The following PACS2 variants were observed in gnomAD, a reference collection of about 807,000 sequenced individuals.
The protein encoded by PACS2 is PACS1-like protein.
A neutral mutation model predicts 113.0 loss-of-function variants in PACS2; 36 were observed. That is an observed-to-expected ratio of 0.32 (90% confidence interval 0.24 to 0.42). The LOEUF (loss-of-function observed/expected upper bound fraction) is 0.42, where lower values mean the gene tolerates loss of function less well. Among genes scored for constraint, PACS2 ranks in the 10% least tolerant of loss-of-function variants. The pLI, the probability that PACS2 is intolerant of heterozygous loss-of-function variation, is 1.00. For missense variants in PACS2, 1,015 were observed against 1,239.5 expected, an observed-to-expected ratio of 0.82 and a Z score of 2.72; for synonymous variants, 589 against 536.1, an observed-to-expected ratio of 1.10 and a Z score of -1.36.
chr14:105,374,140 G>A (rs904479138), intron 8 of PACS2, among the ~76,000 whole-genome samples: 3 of 148,964 alleles, frequency 2.0e-5, no homozygotes, highest in African/African-American at 7.5e-5. Flanking sequence ...GGGCGACACA[G>A]CGAGACTCTG....
Position 105,348,392 on chromosome 14 carries a change from C to T in PACS2, c.120-101C>T. The T allele has an allele frequency of 2.1e-5, 18 of 863,758 alleles. No homozygotes were observed. The highest frequency in any genetic ancestry group is 3.1e-5 in the Non-Finnish European group (17 of 542,446). 53.5% of individuals were successfully genotyped at this position (863,758 alleles called of 1,614,324 possible). On this transcript the variant is annotated intron_variant, in intron 1 of 24. Transcript: ENST00000447393. This position sits in a 1 kb window ranked among gnomAD's most constrained non-coding sequence, Gnocchi z 6.4. Reference sequence around the variant, plus strand: ...GGCAGTCACACCCCGCCCTGCACCCCAGGGTGCAGGCTCCCGGGGTGACAC... The same window carrying T: ...GGCAGTCACACCCCGCCCTGCACCCTAGGGTGCAGGCTCCCGGGGTGACAC...
chr14:105,382,365 C>T (rs2081023719), intron 13 of PACS2, 112 bp from the exon 14 acceptor site: 8 of 753,202 alleles, frequency 1.1e-5, no homozygotes, highest in East Asian at 2.4e-5. Context: ...TTCCTGCCAC[C>T]GAGCCTCTGT....
chr14:105,306,886 G>A (rs999806045), intron 1 of PACS2, among the ~76,000 whole-genome samples: 22 of 151,764 alleles, frequency 1.4e-4, no homozygotes, highest in African/African-American at 3.9e-4. Flanking sequence ...GATTACAGGC[G>A]TGAGCCACCG....
chr14:105,395,377 C>G lies in PACS2; in HGVS notation c.*705C>G, dbSNP rs1178315449. ...CCACTCTCAGGCTGTTCTTGAAACACCATGAGGCTTCTGCGTGTAGTCCCT... is the reference window on the plus strand; with the variant it reads ...CCACTCTCAGGCTGTTCTTGAAACAGCATGAGGCTTCTGCGTGTAGTCCCT... On this transcript the variant is annotated 3_prime_UTR_variant, in exon 25 of 25. Coordinates refer to ENST00000447393, the MANE Select transcript of PACS2 (RefSeq NM_001100913.3). 1 of 151,400 alleles carries G rather than the reference C, an allele frequency of 6.6e-6. No homozygotes were observed. The highest frequency in any genetic ancestry group is 2.4e-5 in the African/African-American group (1 of 41,234). 9.4% of individuals were successfully genotyped at this position (151,400 alleles called of 1,614,324 possible). A position where few individuals can be genotyped will look rare whatever the true frequency, so the allele number is the denominator to read the frequency against.
At chr14:105,386,782 A>G (rs1318829184) in intron 19 of PACS2, among the ~76,000 whole-genome samples, 1 of 152,092 alleles carries the variant, frequency 6.6e-6, no homozygotes. Flanking sequence ...CTGGGAAGAC[A>G]CAGGAAGGGG....
At chr14:105,325,342 A>G (rs1224597777) in intron 1 of PACS2, among the ~76,000 whole-genome samples, 1 of 151,980 alleles carries the variant, frequency 6.6e-6, no homozygotes, top group Non-Finnish European at 1.5e-5. Flanking sequence ...GAGCTGGAGC[A>G]GGGGAGGGGA....
Position 105,392,371 on chromosome 14 carries a change from C to T in PACS2, c.2256-248C>T. 7.3e-6 allele frequency: 4 copies of T among 546,438 alleles called. No homozygotes were observed. The South Asian group carries it at 8.7e-5, about 12-fold the overall frequency. 33.8% of individuals were successfully genotyped at this position (546,438 alleles called of 1,614,324 possible). Reference sequence around the variant, plus strand: ...CGACTCCAAGGGGCAGCTTGGAGAGCAGGTGGACAGGCCTCCCAGGCCGAG... The same window carrying T: ...CGACTCCAAGGGGCAGCTTGGAGAGTAGGTGGACAGGCCTCCCAGGCCGAG... On this transcript the variant is annotated intron_variant, in intron 22 of 24. Coordinates refer to ENST00000447393, the MANE Select transcript of PACS2 (RefSeq NM_001100913.3).
In PACS2 at chr14:105,357,274, C is replaced by T. The variant is rs2060490354; in HGVS notation, c.423+2097C>T. 6.6e-6 allele frequency among the ~76,000 whole-genome samples: 1 copy of T among 152,024 alleles called. No homozygotes were observed. The highest frequency in any genetic ancestry group is 2.4e-5 in the African/African-American group (1 of 41,382). On this transcript the variant is annotated intron_variant, in intron 4 of 24. Coordinates refer to ENST00000447393, the MANE Select transcript of PACS2 (RefSeq NM_001100913.3). This position sits in a 1 kb window ranked among gnomAD's most constrained non-coding sequence, Gnocchi z 5.1. ...AGGCTGGAGCAACCTTCCCCCACCCCAGGTCACACCAGCCACATCGTCTGC... is the reference window on the plus strand; with the variant it reads ...AGGCTGGAGCAACCTTCCCCCACCCTAGGTCACACCAGCCACATCGTCTGC...
rs1420308725 is a variant in PACS2 at position 105,314,754 on chromosome 14, C to G, written c.-165C>G. On this transcript the variant is annotated 5_prime_UTR_variant, in exon 1 of 25. Coordinates refer to ENST00000447393, the MANE Select transcript of PACS2 (RefSeq NM_001100913.3). Reference sequence around the variant, plus strand: ...GGGGCGGGGCGGAGCGGCCGCAGCTCGTCGCCGCCCGCGGGCCTGTCCGAC... The same window carrying G: ...GGGGCGGGGCGGAGCGGCCGCAGCTGGTCGCCGCCCGCGGGCCTGTCCGAC... 6.6e-6 allele frequency: 1 copy of G among 152,062 alleles called. No homozygotes were observed. Among genetic ancestry groups the G allele is most frequent in the Non-Finnish European group, 1.4e-5 (1 of 72,156 alleles). 9.4% of individuals were successfully genotyped at this position (152,062 alleles called of 1,614,324 possible).
At chr14:105,311,887 C>T (rs1034049513), upstream of PACS2, among the ~76,000 whole-genome samples, 42 of 152,342 alleles carry the variant, frequency 2.8e-4, 2 homozygotes, top group East Asian at 2.3e-3. Flanking sequence ...GGAGTGGATG[C>T]GGCAGGGCCT....
intron 4 of PACS2, among the ~76,000 whole-genome samples, chr14:105,362,376 C>T (rs1488460707): frequency 3.4e-5 from 5 of 147,818 alleles, no homozygotes; most frequent in African/African-American, 7.6e-5. Flanking sequence ...GAGATCGCGC[C>T]ACTGCACTCC....
chr14:105,387,722 G>T (rs891918323), intron 19 of PACS2, among the ~76,000 whole-genome samples: 1 of 152,212 alleles, frequency 6.6e-6, no homozygotes, highest in Admixed American at 6.5e-5. Flanking sequence ...CATCTGCCAC[G>T]CACTGCCCCA....
rs782289360 is a variant in PACS2, at chr14:105,382,866, G to A, written c.1578G>A (p.Ala526=). Residue 526 remains alanine, a synonymous_variant, in exon 15 of 25, where the codon GCG becomes GCA. Coordinates refer to ENST00000447393, the MANE Select transcript of PACS2 (RefSeq NM_001100913.3). ...CCGTGGTGTGCACGTGCTCTCCTGC[G>A]GACGTCCAGGCGGCCTTCAGCACCA... ...TLPVVCTCSP[A]DVQAAFSTIV... 7.5e-6 allele frequency: 12 copies of A among 1,607,384 alleles called. No individual in the cohort carries two copies. The highest frequency in any genetic ancestry group is 5.0e-5 in the Admixed American group (3 of 59,998).
At chr14:105,393,954 C>T (rs1424346948) in intron 24 of PACS2, among the ~76,000 whole-genome samples, 2 of 147,104 alleles carry the variant, frequency 1.4e-5, no homozygotes, top group African/African-American at 5.1e-5. Flanking sequence ...AGGAGAATGG[C>T]GTGAACCCGG....
At chr14:105,379,922 C>T in intron 10 of PACS2, 93 bp downstream of exon 10, 1 of 1,396,312 alleles carries the variant, frequency 7.2e-7, no homozygotes, top group Non-Finnish European at 1.0e-6. Context: ...GGGCCCAGGG[C>T]CCTGTCCAGC....
chr14:105,392,130 T>A, intron 22 of PACS2: 1 of 348,070 alleles, frequency 2.9e-6, no homozygotes, highest in Non-Finnish European at 5.3e-6. Flanking sequence ...ATAGCTGTGC[T>A]GAGGCCCCGC....
chr14:105,394,579 C>G lies in PACS2; in HGVS notation c.2622C>G (p.Ser874Arg), dbSNP rs782503189. 6.2e-7 allele frequency: 1 copy of G among 1,613,192 alleles called. No individual in the cohort carries two copies. Reference protein sequence around the residue: ...LRVLIDGVECSDVKFFQLAAQ... With the variant: ...LRVLIDGVECRDVKFFQLAAQ... The stretch of plus-strand genomic sequence containing the variant: ...TCCTCATCGACGGCGTGGAGTGCAG[C>G]GACGTCAAGTTCTTCCAGCTGGCCG... Residue 874 changes from serine (S) to arginine (R), a missense_variant, in exon 25 of 25, where the codon AGC becomes AGG. By Grantham distance (110) the Ser-to-Arg change is moderately radical. This residue lies in a region of PACS2 where 859 missense variants were observed against 1,056.8 expected (regional missense o/e 0.81). Transcript: ENST00000447393.
At chr14:105,346,265 C>T (rs1260560120) in intron 1 of PACS2, among the ~76,000 whole-genome samples, 1 of 152,174 alleles carries the variant, frequency 6.6e-6, no homozygotes, top group African/African-American at 2.4e-5. Flanking sequence ...TGTTGGAAAG[C>T]AGACTCATTT....
At chr14:105,391,550 C>A in intron 21 of PACS2, 81 bp from the exon 22 acceptor site, 1 of 1,228,280 alleles carries the variant, frequency 8.1e-7, no homozygotes, top group Non-Finnish European at 1.1e-6. Context: ...CTGGCCTGGC[C>A]ACATCCTGGT....
Sources: gnomAD v4.1 joint callset for allele counts (sites outside exome capture counted in the v4.1 genomes callset) on GRCh38, gnomAD v4.1.1 for gene constraint, gnomAD v4.1.1 regional missense constraint, Gnocchi (gnomAD v3.1) non-coding constraint, MANE v1.5 for transcripts, NCBI Gene and HGNC (gene_info 2026-07-23, HGNC 2026-07-21) for gene names.